NUGGC: variants seen among roughly 807,000 people sequenced by gnomAD.
NUGGC encodes the protein nuclear GTPase, germinal center associated.
NUGGC carries 58 observed loss-of-function variants against 92.6 expected under a neutral mutation model. The ratio of observed to expected loss-of-function variants is 0.63; its 90% CI spans 0.51 to 0.78. The LOEUF (loss-of-function observed/expected upper bound fraction) is 0.78, where lower values mean the gene tolerates loss of function less well. Among genes scored for constraint, NUGGC ranks in the 30% least tolerant of loss-of-function variants. The pLI, the probability that NUGGC is intolerant of heterozygous loss-of-function variation, is 0.00. For synonymous variants in NUGGC, 376 were observed against 366.4 expected, an observed-to-expected ratio of 1.03 and a Z score of -0.30; for missense variants, 925 against 964.6, an observed-to-expected ratio of 0.96 and a Z score of 0.54.
intron 2 of NUGGC, among the ~76,000 whole-genome samples, chr8:28,073,178 CTTTT>C (rs34656742): frequency 7.5e-6 from 1 of 132,832 alleles, no homozygotes; most frequent in South Asian, 2.5e-4. Flanking sequence ...ATTTTTTTTT[CTTTT>C]TTTTTTTTTT....
At chr8:28,045,416 T>C (rs1809804171) in intron 12 of NUGGC, 111 bp downstream of exon 12, 1 of 1,031,702 alleles carries the variant, frequency 9.7e-7, no homozygotes. Context: ...GAACTTCATA[T>C]CTTCCTTTAA....
intron 1 of NUGGC, among the ~76,000 whole-genome samples, chr8:28,078,472 A>C (rs1185834612): frequency 1.3e-5 from 2 of 152,162 alleles, no homozygotes; most frequent in African/African-American, 2.4e-5. Context: ...TTAGGCTGGA[A>C]ATCTGGTGTG....
intron 5 of NUGGC, 135 bp downstream of exon 5, chr8:28,068,081 G>C (rs1287293633): frequency 1.3e-5 from 8 of 617,380 alleles, no homozygotes; most frequent in Middle Eastern, 4.2e-4. Flanking sequence ...AAAAGGAAGA[G>C]AAGGAAGAAG....
intron 10 of NUGGC, among the ~76,000 whole-genome samples, chr8:28,055,438 A>T (rs1490188896): frequency 6.6e-6 from 1 of 152,086 alleles, no homozygotes; most frequent in Non-Finnish European, 1.5e-5. Flanking sequence ...TGTGGACCAC[A>T]TGCTCATTCG....
Position 28,030,436 on chromosome 8 carries a change from A to T in NUGGC, c.1909-18T>A. 7.2e-7 allele frequency: 1 copy of T among 1,392,166 alleles called. No individual in the cohort carries two copies. Among genetic ancestry groups the T allele is most frequent in the Non-Finnish European group, 1.0e-6 (1 of 998,642 alleles). 86.2% of individuals were successfully genotyped at this position (1,392,166 alleles called of 1,614,324 possible). On this transcript the variant is annotated intron_variant, in intron 15 of 18. Transcript: ENST00000413272. ...GCACTTATCTGGGAAGATGTGGCAAAAGAGGCCGTTGGTGACAATTCCTTC... is the reference window on the plus strand; with the variant it reads ...GCACTTATCTGGGAAGATGTGGCAATAGAGGCCGTTGGTGACAATTCCTTC...
chr8:28,064,453 T>C, intron 7 of NUGGC, 69 bp downstream of exon 7: 2 of 1,293,448 alleles, frequency 1.5e-6, no homozygotes, highest in Non-Finnish European at 2.2e-6. Flanking sequence ...AACCAGAGCA[T>C]TCTTTGTTGC....
intron 18 of NUGGC, among the ~76,000 whole-genome samples, chr8:28,024,387 G>T (rs1284113526): frequency 5.9e-5 from 9 of 151,932 alleles, no homozygotes; most frequent in Non-Finnish European, 1.3e-4. Flanking sequence ...ACTCTGCCTG[G>T]TTCTGCAGGG....
rs752775924 is a variant in NUGGC at position 28,038,941 on chromosome 8, T to A, written c.1611+2110A>T. Among the ~76,000 whole-genome samples the A allele has an allele frequency of 9.9e-5, 15 of 152,156 alleles. 1 individual carries two copies. The highest frequency in any genetic ancestry group is 2.1e-4 in the Non-Finnish European group (14 of 68,028). Reference sequence around the variant, plus strand: ...GCTGTGAGGATGGGATAAGGTAACGTGCAGTATCTGATTCCACAGTCAGCA... The same window carrying A: ...GCTGTGAGGATGGGATAAGGTAACGAGCAGTATCTGATTCCACAGTCAGCA... On this transcript the variant is annotated intron_variant, in intron 13 of 18. Transcript: ENST00000413272.
Position 28,027,367 on chromosome 8 carries a change from G to A in NUGGC, c.2155-315C>T, listed in dbSNP as rs552093660. ...TAATGGGGAAGCATGAAGGCATGGCGGAGAGAATGGCAATCACAGAGATGG... is the reference window on the plus strand; with the variant it reads ...TAATGGGGAAGCATGAAGGCATGGCAGAGAGAATGGCAATCACAGAGATGG... On this transcript the variant is annotated intron_variant, in intron 17 of 18. Transcript: ENST00000413272. Among the ~76,000 whole-genome samples the A allele has an allele frequency of 4.1e-4, 62 of 152,290 alleles. No homozygotes were observed. The Middle Eastern group carries it at 0.01, about 25-fold the overall frequency.
At chr8:28,074,751 C>A (rs948936672) in intron 1 of NUGGC, among the ~76,000 whole-genome samples, 8 of 152,164 alleles carry the variant, frequency 5.3e-5, no homozygotes, top group African/African-American at 1.9e-4. Context: ...CCAGCCTGAC[C>A]AACATGGTGA....
chr8:28,053,414 A>G (rs1428345645), intron 10 of NUGGC, among the ~76,000 whole-genome samples: 1 of 152,146 alleles, frequency 6.6e-6, no homozygotes, highest in Non-Finnish European at 1.5e-5. Flanking sequence ...TGAGCCCAGG[A>G]ATTCAACGTT....
At chr8:28,072,784 G>A (rs932004053) in intron 2 of NUGGC, among the ~76,000 whole-genome samples, 6 of 151,920 alleles carry the variant, frequency 3.9e-5, no homozygotes, top group Admixed American at 1.3e-4. Context: ...AAACTTGTCC[G>A]AATTTAGATC....
intron 17 of NUGGC, among the ~76,000 whole-genome samples, chr8:28,028,053 C>T (rs896794884): frequency 1.5e-4 from 21 of 143,680 alleles, no homozygotes; most frequent in African/African-American, 5.4e-4. Context: ...AGTTAACTGG[C>T]GTTCTTTAAA....
chr8:28,073,178 CTTTTTTTTTTTT>C (rs34656742), intron 2 of NUGGC, among the ~76,000 whole-genome samples: 1 of 132,832 alleles, frequency 7.5e-6, no homozygotes, highest in Non-Finnish European at 1.6e-5. Flanking sequence ...ATTTTTTTTT[CTTTTTTTTTTTT>C]TTTCCAGTGA....
At chr8:28,075,445 C>T (rs188125118) in intron 1 of NUGGC, among the ~76,000 whole-genome samples, 1 of 152,266 alleles carries the variant, frequency 6.6e-6, no homozygotes, top group East Asian at 1.9e-4. Flanking sequence ...AGGGCACTGC[C>T]CAGACAGGGT....
chr8:28,043,605 C>G (rs1173908657), intron 12 of NUGGC, among the ~76,000 whole-genome samples: 1 of 152,228 alleles, frequency 6.6e-6, no homozygotes, highest in East Asian at 1.9e-4. Context: ...ATGTTTTCCA[C>G]TGCTTGGAGT....
At chr8:28,060,271 C>T in intron 8 of NUGGC, 155 bp downstream of exon 8, 1 of 791,468 alleles carries the variant, frequency 1.3e-6, no homozygotes, top group South Asian at 1.5e-5. Context: ...TCCTGATGTC[C>T]CAGGAAGTCA....
intron 18 of NUGGC, among the ~76,000 whole-genome samples, chr8:28,024,183 G>C (rs1214760869): frequency 6.7e-6 from 1 of 149,128 alleles, no homozygotes; most frequent in African/African-American, 2.5e-5. Context: ...ACCTCGCCTA[G>C]CTAAATTCTT....
At chr8:28,029,488 C>T (rs1809358694) in intron 16 of NUGGC, 86 bp from the exon 17 acceptor site, 8 of 1,476,362 alleles carry the variant, frequency 5.4e-6, no homozygotes. Context: ...GTGGCTCACA[C>T]CTGTAATCCC....
Sources: gnomAD v4.1 joint callset for allele counts (sites outside exome capture counted in the v4.1 genomes callset) on GRCh38, gnomAD v4.1.1 for gene constraint, MANE v1.5 for transcripts, NCBI Gene and HGNC (gene_info 2026-07-23, HGNC 2026-07-21) for gene names.